The following COL24A1 variants were observed in gnomAD, a reference collection of about 807,000 sequenced individuals.
COL24A1 encodes collagen alpha-1(XXIV) chain.
COL24A1 carries 224 observed loss-of-function variants against 253.9 expected under a neutral mutation model. That is an observed-to-expected ratio of 0.88 (90% CI 0.79 to 0.99). The LOEUF (loss-of-function observed/expected upper bound fraction) is 0.99, where lower values mean the gene tolerates loss of function less well. COL24A1 is among the 50% of genes least tolerant of loss of function. The probability of loss-of-function intolerance (pLI) is 0.00; values close to 1 mark genes in which losing one functional copy is unlikely to be tolerated. For synonymous variants in COL24A1, 685 were observed against 673.7 expected, an observed-to-expected ratio of 1.02 and a Z score of -0.26; for missense variants, 2,131 against 2,068.5, an observed-to-expected ratio of 1.03 and a Z score of -0.59.
At chr1:85,761,254 C>G (rs1183046719) in intron 55 of COL24A1, 142 bp downstream of exon 55, 13 of 838,596 alleles carry the variant, frequency 1.6e-5, no homozygotes, top group Non-Finnish European at 2.4e-5. Context: ...TGTAGCTGGG[C>G]CAGCCCTGTA....
intron 7 of COL24A1, among the ~76,000 whole-genome samples, chr1:86,066,029 A>G (rs1701450344): frequency 6.6e-6 from 1 of 152,168 alleles, no homozygotes; most frequent in African/African-American, 2.4e-5. Context: ...AGATGCAGAG[A>G]AAGTAGATAA....
chr1:86,109,920 A>AT (rs1010408644), intron 5 of COL24A1, among the ~76,000 whole-genome samples: 31 of 152,210 alleles, frequency 2.0e-4, no homozygotes, highest in Non-Finnish European at 2.5e-4. Flanking sequence ...AGTTCCTTCC[A>AT]TTGTGTGATG....
intron 24 of COL24A1, among the ~76,000 whole-genome samples, chr1:85,932,187 T>A (rs1321631817): frequency 3.2e-5 from 3 of 94,062 alleles, no homozygotes; most frequent in Admixed American, 1.3e-4. Context: ...AAGCTACTCA[T>A]CTGACAAAGG....
intron 55 of COL24A1, among the ~76,000 whole-genome samples, chr1:85,748,443 G>A (rs1290730814): frequency 6.6e-6 from 1 of 152,172 alleles, no homozygotes; most frequent in Non-Finnish European, 1.5e-5. Context: ...AAAAGTGGTG[G>A]AATAATAGCC....
At chr1:86,020,727 A>G (rs897009609) in intron 18 of COL24A1, among the ~76,000 whole-genome samples, 1 of 152,198 alleles carries the variant, frequency 6.6e-6, no homozygotes, top group Non-Finnish European at 1.5e-5. Flanking sequence ...AAAAAAAAGA[A>G]TATGTAAAAA....
intron 19 of COL24A1, among the ~76,000 whole-genome samples, chr1:86,015,849 T>C (rs185728328): frequency 6.6e-6 from 1 of 151,754 alleles, no homozygotes; most frequent in African/African-American, 2.4e-5. Flanking sequence ...TTGGTAAAAC[T>C]AGCTACAATG....
chr1:85,745,559 C>T, intron 55 of COL24A1, 53 bp from the exon 56 acceptor site: 1 of 1,329,134 alleles, frequency 7.5e-7, no homozygotes, highest in Non-Finnish European at 1.1e-6. Flanking sequence ...ACTGAGTGCC[C>T]TAAAGTAAAG....
At chr1:85,845,528 T>C (rs1211321097) in intron 39 of COL24A1, among the ~76,000 whole-genome samples, 2 of 151,952 alleles carry the variant, frequency 1.3e-5, no homozygotes, top group Non-Finnish European at 2.9e-5. Flanking sequence ...TTCTTCATCA[T>C]GACTTCTATT....
intron 53 of COL24A1, among the ~76,000 whole-genome samples, chr1:85,769,059 T>A (rs1377128699): frequency 6.6e-6 from 1 of 152,224 alleles, no homozygotes; most frequent in Non-Finnish European, 1.5e-5. Flanking sequence ...GAGTTACTCA[T>A]ATTGTATCTA....
At chr1:86,005,097 A>G (rs1346979539) in intron 19 of COL24A1, among the ~76,000 whole-genome samples, 1 of 146,092 alleles carries the variant, frequency 6.8e-6, no homozygotes, top group Non-Finnish European at 1.5e-5. Context: ...GGACAGTGAA[A>G]GAGTGAGAAA....
chr1:85,834,732 T>C (rs1292463506), intron 43 of COL24A1, among the ~76,000 whole-genome samples: 1 of 152,226 alleles, frequency 6.6e-6, no homozygotes, highest in Non-Finnish European at 1.5e-5. Flanking sequence ...TTTATACCTT[T>C]AAATAAAGTG....
chr1:85,884,475 C>CTAT (rs2102689147), intron 32 of COL24A1, among the ~76,000 whole-genome samples: 1 of 152,216 alleles, frequency 6.6e-6, no homozygotes, highest in Non-Finnish European at 1.5e-5. Context: ...GTTCCTTTAG[C>CTAT]TATAATCTGT....
chr1:86,100,372 T>C (rs1046615596), intron 5 of COL24A1, among the ~76,000 whole-genome samples: 22 of 152,296 alleles, frequency 1.4e-4, no homozygotes, highest in African/African-American at 5.1e-4. Context: ...ATCCTGAAGT[T>C]CAATTCTGTA....
Position 85,875,285 on chromosome 1 carries a change from C to T in COL24A1, c.3076G>A (p.Gly1026Ser). 1 of 1,613,650 alleles carries T rather than the reference C, an allele frequency of 6.2e-7. No individual in the cohort carries two copies. The highest frequency in any genetic ancestry group is 8.5e-7 in the Non-Finnish European group (1 of 1,179,724). The change falls in exon 34 of 60, where the codon GGT becomes AGT. Residue 1026 changes from glycine to serine, a missense_variant. Physicochemically the swap from Gly to Ser is moderately conservative, Grantham distance 56 (BLOSUM62 0). Coordinates refer to ENST00000370571, the MANE Select transcript of COL24A1 (RefSeq NM_152890.7). ...ATTTTTTAGAAGGTTACCTTTGCAC[C>T]TGGTTCACCTTGCAGACCAGACTCT... ...EGESGLQGEPGAKGDVGTAGS... is the reference protein window; with the variant it reads ...EGESGLQGEPSAKGDVGTAGS...
chr1:86,058,890 T>C (rs1700856447), intron 9 of COL24A1, among the ~76,000 whole-genome samples: 1 of 152,138 alleles, frequency 6.6e-6, no homozygotes. Context: ...ATTTTGAAGG[T>C]TCCATTGTAC....
At chr1:86,097,170 A>G (rs1468933474) in intron 5 of COL24A1, among the ~76,000 whole-genome samples, 2 of 152,146 alleles carry the variant, frequency 1.3e-5, no homozygotes, top group Non-Finnish European at 2.9e-5. Flanking sequence ...TTGAGCCTAC[A>G]TGTCTCCTTT....
intron 43 of COL24A1, among the ~76,000 whole-genome samples, chr1:85,828,501 C>T (rs990120460): frequency 6.6e-6 from 1 of 151,282 alleles, no homozygotes; most frequent in East Asian, 1.9e-4. Flanking sequence ...TCTCGTTGAT[C>T]TGTCTAATGT....
intron 45 of COL24A1, among the ~76,000 whole-genome samples, chr1:85,819,923 T>A (rs1386577464): frequency 6.6e-6 from 1 of 150,692 alleles, no homozygotes; most frequent in Non-Finnish European, 1.5e-5. Context: ...TCTCGGCTCA[T>A]GGCAACCTCC....
chr1:85,804,009 A>G (rs1362905851), intron 47 of COL24A1, among the ~76,000 whole-genome samples: 1 of 152,218 alleles, frequency 6.6e-6, no homozygotes, highest in Non-Finnish European at 1.5e-5. Context: ...CATTAAAAAT[A>G]ATTTTTGGAG....
Sources: gnomAD v4.1 joint callset for allele counts (sites outside exome capture counted in the v4.1 genomes callset) on GRCh38, gnomAD v4.1.1 for gene constraint, MANE v1.5 for transcripts, NCBI Gene and HGNC (gene_info 2026-07-23, HGNC 2026-07-21) for gene names.